AFAP1L2: variants seen among roughly 807,000 people sequenced by gnomAD.
AFAP1L2 encodes actin filament associated protein 1 like 2, also known as actin filament-associated protein 1-like 2.
AFAP1L2 carries 46 observed loss-of-function variants against 99.3 expected under a neutral mutation model. That is an observed-to-expected ratio of 0.46 (90% CI 0.37 to 0.59). The LOEUF is 0.59. Ranked by LOEUF, AFAP1L2 falls within the 20% of genes least tolerant of loss-of-function variation. AFAP1L2 has a pLI of 0.00. For synonymous variants in AFAP1L2, 397 were observed against 419.1 expected, an observed-to-expected ratio of 0.95 and a Z score of 0.64; for missense variants, 959 against 1,034.9, an observed-to-expected ratio of 0.93 and a Z score of 1.01.
intron 5 of AFAP1L2, among the ~76,000 whole-genome samples, chr10:114,317,869 C>T (rs186161854): frequency 5.3e-5 from 8 of 152,140 alleles, no homozygotes; most frequent in Admixed American, 2.6e-4. Context: ...AAAAAAAGGG[C>T]GGGAGTGGGA....
the AFAP1L2 span, chr10:114,281,616 T>G: frequency 7.1e-6 from 3 of 425,492 alleles, no homozygotes; most frequent in Non-Finnish European, 9.4e-6. Flanking sequence ...AGTCATTGAG[T>G]CCAGTGGCTT....
chr10:114,311,956 G>A (rs1415571792), intron 7 of AFAP1L2, among the ~76,000 whole-genome samples: 2 of 152,230 alleles, frequency 1.3e-5, no homozygotes, highest in Non-Finnish European at 2.9e-5. Context: ...CACTGCCAAA[G>A]CGCAAGAGTG....
Position 114,295,418 on chromosome 10 carries a change from A to C in AFAP1L2, c.*624T>G. On this transcript the variant is annotated 3_prime_UTR_variant, in exon 19 of 19. Coordinates refer to ENST00000304129, the MANE Select transcript of AFAP1L2 (RefSeq NM_001001936.3). ...AAGAAGTCTTTAACTTAGTGGGATTAGTGCTTCAGCTTGGTCCCAAATATT... is the reference window on the plus strand; with the variant it reads ...AAGAAGTCTTTAACTTAGTGGGATTCGTGCTTCAGCTTGGTCCCAAATATT... 1.0e-6 allele frequency: 1 copy of C among 985,832 alleles called. No homozygotes were observed. Among genetic ancestry groups the C allele is most frequent in the Non-Finnish European group, 1.2e-6 (1 of 829,924 alleles). The allele number at this position is 985,832 out of a possible 1,614,324, so 61.1% of individuals were successfully genotyped here. A position where few individuals can be genotyped will look rare whatever the true frequency, so the allele number is the denominator to read the frequency against.
chr10:114,286,104 G>C, the AFAP1L2 span: 1 of 1,614,160 alleles, frequency 6.2e-7, no homozygotes, highest in Non-Finnish European at 8.5e-7. Context: ...GCCACATACA[G>C]CAGGGAGCTG....
At chr10:114,348,035 A>G (rs537402814) in intron 1 of AFAP1L2, among the ~76,000 whole-genome samples, 2 of 152,222 alleles carry the variant, frequency 1.3e-5, no homozygotes, top group South Asian at 2.1e-4. Context: ...GGATTTGCCT[A>G]TTCTGGGTAT....
At chr10:114,381,608 A>T (rs57198810) in intron 1 of AFAP1L2, among the ~76,000 whole-genome samples, 5,630 of 152,282 alleles carry the variant, frequency 0.037, 348 homozygotes, top group African/African-American at 0.13. Context: ...GAGATTTTTT[A>T]AAGTATAATT....
chr10:114,299,521 C>T (rs1463104059), intron 15 of AFAP1L2, 106 bp from the exon 16 acceptor site: 1 of 1,420,482 alleles, frequency 7.0e-7, no homozygotes, highest in Non-Finnish European at 9.5e-7. Flanking sequence ...TGGCACAAAG[C>T]CCTGCTAGGC....
chr10:114,286,453 G>T, the AFAP1L2 span: 1 of 1,610,186 alleles, frequency 6.2e-7, no homozygotes. Context: ...CGGATCCTCA[G>T]GATCTGTTCA....
intron 1 of AFAP1L2, among the ~76,000 whole-genome samples, chr10:114,391,590 C>A (rs1421463348): frequency 6.6e-6 from 1 of 152,178 alleles, no homozygotes; most frequent in Non-Finnish European, 1.5e-5. Context: ...AAAATACTGT[C>A]CTTGGCCCTT....
intron 1 of AFAP1L2, among the ~76,000 whole-genome samples, chr10:114,396,666 A>C (rs1276103027): frequency 2.6e-5 from 4 of 152,218 alleles, no homozygotes; most frequent in African/African-American, 9.6e-5. Flanking sequence ...TGGTAGAAAA[A>C]AAAGACTTGC....
chr10:114,400,801 A>T (rs1228612357), intron 1 of AFAP1L2, among the ~76,000 whole-genome samples: 4 of 152,208 alleles, frequency 2.6e-5, no homozygotes, highest in Non-Finnish European at 5.9e-5. Flanking sequence ...AGACCAATTA[A>T]ATCAGAATGT....
the AFAP1L2 span, among the ~76,000 whole-genome samples, chr10:114,284,647 G>T: frequency 6.6e-6 from 1 of 152,218 alleles, no homozygotes; most frequent in African/African-American, 2.4e-5. Flanking sequence ...TACCAAGCCT[G>T]CTACAGAGCA....
intron 8 of AFAP1L2, among the ~76,000 whole-genome samples, chr10:114,309,495 G>A (rs2042894470): frequency 6.6e-6 from 1 of 152,224 alleles, no homozygotes; most frequent in South Asian, 2.1e-4. Flanking sequence ...GCTGTTCTAT[G>A]TGTGCCCACG....
chr10:114,392,640 G>T (rs1173973584), intron 1 of AFAP1L2, among the ~76,000 whole-genome samples: 1 of 152,210 alleles, frequency 6.6e-6, no homozygotes, highest in Admixed American at 6.5e-5. Flanking sequence ...CCAGCCAGCT[G>T]TTTCCTCCTA....
intron 2 of AFAP1L2, among the ~76,000 whole-genome samples, chr10:114,336,280 G>A (rs1014053456): frequency 1.3e-5 from 2 of 152,250 alleles, no homozygotes; most frequent in African/African-American, 4.8e-5. Context: ...GGGAGGCCAC[G>A]GACAGGCAGG....
rs191905282 is a variant in AFAP1L2, at chr10:114,366,861, A to G, written c.17-26130T>C. 5.3e-3 allele frequency among the ~76,000 whole-genome samples: 803 copies of G among 152,242 alleles called. 1 individual carries two copies. Among genetic ancestry groups the G allele is most frequent in the Middle Eastern group, 0.024 (7 of 294 alleles). On this transcript the variant is annotated intron_variant, in intron 1 of 18. Coordinates refer to ENST00000304129, the MANE Select transcript of AFAP1L2 (RefSeq NM_001001936.3). ...CGCGCGCCTTTAGTCTCAGCTACTC[A>G]GGGGGCTGAGGCAGGAGAATCGCTT...
intron 15 of AFAP1L2, 45 bp from the exon 16 acceptor site, chr10:114,299,460 A>G: frequency 6.2e-7 from 1 of 1,609,210 alleles, no homozygotes; most frequent in Non-Finnish European, 8.5e-7. Context: ...GAGCTGGATC[A>G]TGAGGGCTGT....
intron 1 of AFAP1L2, among the ~76,000 whole-genome samples, chr10:114,354,203 G>C (rs1252724991): frequency 6.6e-6 from 1 of 152,182 alleles, no homozygotes; most frequent in African/African-American, 2.4e-5. Context: ...TGCCTAAAAT[G>C]ATCCTTAATA....
intron 12 of AFAP1L2, 76 bp downstream of exon 12, chr10:114,302,263 T>C (rs1231229961): frequency 3.1e-6 from 5 of 1,593,458 alleles, no homozygotes; most frequent in Admixed American, 3.3e-5. Flanking sequence ...CTGCTGCCCC[T>C]GACTCTGGCT....
Sources: gnomAD v4.1 joint callset for allele counts (sites outside exome capture counted in the v4.1 genomes callset) on GRCh38, gnomAD v4.1.1 for gene constraint, MANE v1.5 for transcripts, NCBI Gene and HGNC (gene_info 2026-07-23, HGNC 2026-07-21) for gene names.